The following CDH12 variants were observed in gnomAD, a reference collection of about 807,000 sequenced individuals.
CDH12 encodes cadherin-12.
Under a neutral mutation model 74.1 loss-of-function variants are expected in CDH12, and 41 were observed. The ratio of observed to expected loss-of-function variants is 0.55; its 90% confidence interval spans 0.43 to 0.72. The LOEUF (loss-of-function observed/expected upper bound fraction) is 0.72, where lower values mean the gene tolerates loss of function less well. Among genes scored for constraint, CDH12 ranks in the 30% least tolerant of loss-of-function variants. The pLI is 0.00. For missense variants in CDH12, 945 were observed against 977.2 expected (o/e 0.97, Z 0.44); for synonymous variants, 399 against 355.0 (o/e 1.12, Z -1.39).
chr5:22,640,676 G>GA (rs35891648), intron 1 of CDH12, among the ~76,000 whole-genome samples: 1 of 151,958 alleles, frequency 6.6e-6, no homozygotes, highest in Non-Finnish European at 1.5e-5. Context: ...CCACCAACCT[G>GA]AAAAAATATC....
In CDH12 at chr5:22,115,689, C is replaced by CTTTT. The variant is rs10669028; in HGVS notation, c.-186-36831_-186-36828dup. ...ATAGGCACAATTTTGGTCCTCGCGA[C>CTTTT]TTTTTTTTTTTTTTTTTTTTTGAGA... On this transcript the variant is annotated intron_variant, in intron 4 of 14. Transcript: ENST00000382254. Among the ~76,000 whole-genome samples the CTTTT allele has an allele frequency of 3.5e-3, 390 of 110,360 alleles. 10 individuals are homozygous for CTTTT. The highest frequency in any genetic ancestry group is 6.2e-3 in the Middle Eastern group (1 of 162). The allele number at this position is 110,360 out of a possible 152,430, so 72.4% of individuals were successfully genotyped here.
intron 1 of CDH12, among the ~76,000 whole-genome samples, chr5:22,740,755 A>G (rs1272053379): frequency 1.3e-5 from 2 of 152,104 alleles, no homozygotes; most frequent in African/African-American, 4.8e-5. Flanking sequence ...GGAAAGGCTT[A>G]AATGAACAAT....
Position 22,851,772 on chromosome 5 carries a change from T to A in CDH12, c.-523+1286A>T, listed in dbSNP as rs1025424270. On this transcript the variant is annotated intron_variant, in intron 1 of 14. Transcript: ENST00000382254. ...AGACATTCTGCTAGAATCATGGAAT[T>A]ATTTATAATAAAAACTTACTCGGTT... Among the ~76,000 whole-genome samples the A allele has an allele frequency of 1.4e-4, 21 of 152,288 alleles. 1 individual carries two copies. The highest frequency in any genetic ancestry group is 1.0e-3 in the South Asian group (5 of 4,830).
chr5:22,683,588 A>C (rs998061345), intron 1 of CDH12, among the ~76,000 whole-genome samples: 4 of 152,180 alleles, frequency 2.6e-5, no homozygotes, highest in African/African-American at 2.4e-5. Context: ...TTTTTTCTGC[A>C]TTGAAAAAGC....
intron 1 of CDH12, among the ~76,000 whole-genome samples, chr5:22,797,464 A>T (rs1748289578): frequency 6.6e-6 from 1 of 152,202 alleles, no homozygotes; most frequent in Non-Finnish European, 1.5e-5. Context: ...TTCAGTCAAG[A>T]AGCCCTTGTT....
At chr5:22,290,122 G>T (rs1319648720) in intron 3 of CDH12, among the ~76,000 whole-genome samples, 1 of 152,056 alleles carries the variant, frequency 6.6e-6, no homozygotes, top group African/African-American at 2.4e-5. Context: ...TTGTACCCCA[G>T]TGCCATGCCT....
intron 1 of CDH12, among the ~76,000 whole-genome samples, chr5:22,804,034 C>T (rs1236157672): frequency 6.6e-6 from 1 of 151,326 alleles, no homozygotes; most frequent in Non-Finnish European, 1.5e-5. Context: ...AATGAAAGAC[C>T]CGCTTGCATA....
At chr5:22,223,870 G>C (rs1561234993) in intron 3 of CDH12, among the ~76,000 whole-genome samples, 1 of 151,956 alleles carries the variant, frequency 6.6e-6, no homozygotes, top group African/African-American at 2.4e-5. Context: ...CAGGGCAATT[G>C]AGCCACAAAG....
At chr5:22,301,874 G>A (rs916544714) in intron 3 of CDH12, among the ~76,000 whole-genome samples, 1 of 150,966 alleles carries the variant, frequency 6.6e-6, no homozygotes, top group South Asian at 2.1e-4. Flanking sequence ...TCACCATGTT[G>A]CCCAGGCTGC....
At chr5:22,169,746 T>C (rs1380605964) in intron 4 of CDH12, among the ~76,000 whole-genome samples, 1 of 151,960 alleles carries the variant, frequency 6.6e-6, no homozygotes, top group African/African-American at 2.4e-5. Flanking sequence ...TAATATCTCA[T>C]TGTATTCTCT....
intron 2 of CDH12, among the ~76,000 whole-genome samples, chr5:22,456,737 G>C (rs532493802): frequency 1.3e-5 from 2 of 152,016 alleles, no homozygotes. Flanking sequence ...TTTCAGTTTT[G>C]ACATAATTTA....
chr5:22,769,355 A>T (rs112964306), intron 1 of CDH12, among the ~76,000 whole-genome samples: 6,138 of 152,066 alleles, frequency 0.04, 294 homozygotes, highest in East Asian at 0.17. Flanking sequence ...CCTGTGCTGG[A>T]TGCTTCCTGC....
chr5:22,085,160 CT>C (rs959787683), intron 4 of CDH12, among the ~76,000 whole-genome samples: 1 of 146,084 alleles, frequency 6.8e-6, no homozygotes, highest in Non-Finnish European at 1.5e-5. Flanking sequence ...CCCAACATCC[CT>C]TTTAGCAGGA....
At chr5:22,320,794 AC>A (rs926538114) in intron 3 of CDH12, among the ~76,000 whole-genome samples, 5 of 152,332 alleles carry the variant, frequency 3.3e-5, no homozygotes, top group African/African-American at 1.2e-4. Flanking sequence ...TTTAGTTTTT[AC>A]TTATAGTACT....
chr5:21,846,675 T>C (rs1452191722), intron 7 of CDH12, among the ~76,000 whole-genome samples: 1 of 152,248 alleles, frequency 6.6e-6, no homozygotes, highest in East Asian at 1.9e-4. Flanking sequence ...GAAGAATCTA[T>C]TTCATTGATT....
intron 6 of CDH12, among the ~76,000 whole-genome samples, chr5:21,901,945 T>C (rs1255957277): frequency 6.6e-6 from 1 of 152,198 alleles, no homozygotes; most frequent in East Asian, 1.9e-4. Context: ...AAAAGGGATA[T>C]ATTCTTGTTC....
chr5:22,678,048 G>GGC lies in CDH12; in HGVS notation c.-522-172685_-522-172684insGC, dbSNP rs1561571416. Among the ~76,000 whole-genome samples, 7 of 151,668 alleles carry GGC rather than the reference G, an allele frequency of 4.6e-5. No individual in the cohort carries two copies. In the South Asian group the frequency reaches 6.3e-4, roughly 14 times the overall value. Reference sequence around the variant, plus strand: ...TCACCTCCTATACCATCCTCATGGGGGGGGGGGTTAGGATTTTAATGTAAA... The same window carrying GGC: ...TCACCTCCTATACCATCCTCATGGGGGCGGGGGGGTTAGGATTTTAATGTAAA... On this transcript the variant is annotated intron_variant, in intron 1 of 14. Coordinates refer to ENST00000382254, the MANE Select transcript of CDH12 (RefSeq NM_004061.5).
intron 4 of CDH12, among the ~76,000 whole-genome samples, chr5:22,199,173 T>G (rs1750787350): frequency 6.6e-6 from 1 of 152,162 alleles, no homozygotes; most frequent in African/African-American, 2.4e-5. Flanking sequence ...AAGCAACACA[T>G]TTTAACTTTA....
chr5:22,587,493 C>T (rs777804175), intron 1 of CDH12, among the ~76,000 whole-genome samples: 11 of 152,272 alleles, frequency 7.2e-5, no homozygotes, highest in Non-Finnish European at 1.3e-4. Flanking sequence ...CTAGCTGTGT[C>T]ACTCGGATGA....
Sources: allele counts gnomAD v4.1 joint callset (sites outside exome capture counted in the v4.1 genomes callset), GRCh38; gene constraint gnomAD v4.1.1; transcripts MANE v1.5; gene names NCBI Gene and HGNC (gene_info 2026-07-23, HGNC 2026-07-21).